PRKD1: variants seen among roughly 807,000 people sequenced by gnomAD.
The protein encoded by PRKD1 is protein kinase D1.
In PRKD1, 63 loss-of-function variants were observed where a neutral mutation model predicts 95.9. That is an observed-to-expected ratio of 0.66 (90% CI 0.54 to 0.81). The LOEUF (loss-of-function observed/expected upper bound fraction) is 0.81, where lower values mean the gene tolerates loss of function less well. Among genes scored for constraint, PRKD1 ranks in the 30% least tolerant of loss-of-function variants. PRKD1 has a pLI of 0.00. For synonymous variants in PRKD1, 425 were observed against 423.1 expected, an observed-to-expected ratio of 1.00 and a Z score of -0.05; for missense variants, 1,048 against 1,165.3, an observed-to-expected ratio of 0.90 and a Z score of 1.47.
At chr14:29,668,798 C>G (rs1882674027) in intron 2 of PRKD1, among the ~76,000 whole-genome samples, 1 of 152,144 alleles carries the variant, frequency 6.6e-6, no homozygotes. Flanking sequence ...TAAACTCTTG[C>G]TGGCTATGAC....
At chr14:29,657,370 C>T (rs564506356) in intron 4 of PRKD1, 2 of 152,286 alleles carry the variant, frequency 1.3e-5, no homozygotes, top group South Asian at 2.1e-4. Flanking sequence ...TTTTTCTTAA[C>T]AAAAATGCAT....
intron 10 of PRKD1, 44 bp from the exon 11 acceptor site, chr14:29,629,137 G>T: frequency 6.5e-7 from 1 of 1,535,932 alleles, no homozygotes; most frequent in South Asian, 1.2e-5. Context: ...AAGTCAGTAA[G>T]AGATGTAATA....
At chr14:29,728,491 T>C (rs1886276228) in intron 1 of PRKD1, among the ~76,000 whole-genome samples, 1 of 152,208 alleles carries the variant, frequency 6.6e-6, no homozygotes, top group African/African-American at 2.4e-5. Context: ...TTACCTTGTC[T>C]GACATAGAAT....
At chr14:29,596,962 T>C (rs1893330306) in intron 16 of PRKD1, among the ~76,000 whole-genome samples, 1 of 152,114 alleles carries the variant, frequency 6.6e-6, no homozygotes. Flanking sequence ...TATATAGGAA[T>C]GATACATCAG....
At chr14:29,827,438 T>C (rs938764175) in intron 1 of PRKD1, among the ~76,000 whole-genome samples, 2 of 152,082 alleles carry the variant, frequency 1.3e-5, no homozygotes, top group African/African-American at 4.8e-5. Flanking sequence ...CCAGAGACCA[T>C]GACCCTCCAC....
intron 1 of PRKD1, among the ~76,000 whole-genome samples, chr14:29,920,983 G>T (rs1234062648): frequency 6.6e-6 from 1 of 152,136 alleles, no homozygotes; most frequent in Non-Finnish European, 1.5e-5. Context: ...TGTATCAAGC[G>T]ATGATCTGCA....
chr14:29,599,556 G>A (rs1176340838), intron 14 of PRKD1, 100 bp downstream of exon 14: 2 of 1,112,308 alleles, frequency 1.8e-6, no homozygotes, highest in African/African-American at 3.2e-5. Context: ...GTTTAGACTG[G>A]AGGTAGGGAC....
chr14:29,872,387 G>A (rs533450087), intron 1 of PRKD1, among the ~76,000 whole-genome samples: 2 of 151,920 alleles, frequency 1.3e-5, no homozygotes, highest in Non-Finnish European at 2.9e-5. Flanking sequence ...TCCACACCAG[G>A]TGGGGTGGCT....
At chr14:29,767,511 T>G (rs1439437107) in intron 1 of PRKD1, among the ~76,000 whole-genome samples, 1 of 152,210 alleles carries the variant, frequency 6.6e-6, no homozygotes, top group African/African-American at 2.4e-5. Flanking sequence ...AATAGGGTCC[T>G]ATTTTCTTAT....
intron 1 of PRKD1, among the ~76,000 whole-genome samples, chr14:29,769,778 CAT>C (rs1282235683): frequency 6.6e-5 from 10 of 152,120 alleles, no homozygotes; most frequent in South Asian, 2.1e-4. Context: ...TATGTATGAA[CAT>C]AAACATTCAG....
chr14:29,743,827 A>G (rs1253952173), intron 1 of PRKD1, among the ~76,000 whole-genome samples: 1 of 152,236 alleles, frequency 6.6e-6, no homozygotes, highest in African/African-American at 2.4e-5. Context: ...ACATTTCAGC[A>G]GCATGTGACC....
chr14:29,653,359 G>A (rs1469408239), intron 4 of PRKD1, among the ~76,000 whole-genome samples: 1 of 152,024 alleles, frequency 6.6e-6, no homozygotes, highest in African/African-American at 2.4e-5. Flanking sequence ...GAAAAAATAA[G>A]TTCTCTGTAG....
In PRKD1 at chr14:29,923,245, A is replaced by C. The variant is rs568282106; in HGVS notation, c.264+4004T>G. Among the ~76,000 whole-genome samples, 189 of 147,402 alleles carry C rather than the reference A, an allele frequency of 1.3e-3. 1 individual carries two copies. The highest frequency in any genetic ancestry group is 2.0e-3 in the Non-Finnish European group (132 of 67,204). ...ATTCTGTCAAAAAAAAAAAAAAAAAAACACACAGTAAAATGACAAATTCTA... is the reference window on the plus strand; with the variant it reads ...ATTCTGTCAAAAAAAAAAAAAAAAACACACACAGTAAAATGACAAATTCTA... On this transcript the variant is annotated intron_variant, in intron 1 of 17. Transcript: ENST00000331968.
chr14:29,641,810 ATATATTTATC>A (rs1880785144), intron 4 of PRKD1, among the ~76,000 whole-genome samples: 1 of 151,992 alleles, frequency 6.6e-6, no homozygotes, highest in African/African-American at 2.4e-5. Context: ...ACCCTGTAAT[ATATATTTATC>A]TATATTTATC....
chr14:29,638,467 T>C, intron 6 of PRKD1, 22 bp downstream of exon 6: 1 of 1,611,908 alleles, frequency 6.2e-7, no homozygotes, highest in Non-Finnish European at 8.5e-7. Flanking sequence ...AGCACAGACA[T>C]GACAGCTGAT....
chr14:29,918,131 A>G (rs1894956815), intron 1 of PRKD1, among the ~76,000 whole-genome samples: 1 of 152,116 alleles, frequency 6.6e-6, no homozygotes, highest in Admixed American at 6.5e-5. Context: ...ACAAGAAAAG[A>G]TAAGTCTGTG....
chr14:29,608,399 T>C (rs1878173118), intron 13 of PRKD1, among the ~76,000 whole-genome samples: 1 of 152,184 alleles, frequency 6.6e-6, no homozygotes, highest in Non-Finnish European at 1.5e-5. Flanking sequence ...AGTTCATTAA[T>C]ATTTTATATT....
At chr14:29,709,307 C>G (rs896784102) in intron 2 of PRKD1, among the ~76,000 whole-genome samples, 1 of 151,928 alleles carries the variant, frequency 6.6e-6, no homozygotes, top group Non-Finnish European at 1.5e-5. Flanking sequence ...AGAACCATAC[C>G]TACTTAATCA....
Position 29,630,998 on chromosome 14 carries a change from C to A in PRKD1, c.1416G>T (p.Leu472Phe). Reference protein sequence around the residue: ...YYKEIPLSEILSLEPVKTSAL... With the variant: ...YYKEIPLSEIFSLEPVKTSAL... ...CTGAAGTTTTTACTGGTTCCAGAGA[C>A]AAAATTTCAGATAAAGGAATTTCCT... The change falls in exon 10 of 18, where the codon TTG (leucine) becomes TTT (phenylalanine). Residue 472 changes from leucine to phenylalanine, a missense_variant. By Grantham distance (22) the Leu-to-Phe change is conservative. Around this residue, in one of 3 missense-constraint regions of PRKD1, gnomAD observed 739 missense variants for 861.9 expected, o/e 0.86. Coordinates refer to ENST00000331968, the MANE Select transcript of PRKD1 (RefSeq NM_002742.3). The A allele has an allele frequency of 1.2e-6, 2 of 1,604,672 alleles. No homozygotes were observed. The highest frequency in any genetic ancestry group is 8.5e-7 in the Non-Finnish European group (1 of 1,174,490).
Sources: gnomAD v4.1 joint callset for allele counts (sites outside exome capture counted in the v4.1 genomes callset) on GRCh38, gnomAD v4.1.1 for gene constraint, gnomAD v4.1.1 regional missense constraint, MANE v1.5 for transcripts, NCBI Gene and HGNC (gene_info 2026-07-23, HGNC 2026-07-21) for gene names.